The following VWC2 variants were observed in gnomAD, a reference collection of about 807,000 sequenced individuals.
The protein encoded by VWC2 is brorin.
VWC2 carries 14 observed loss-of-function variants against 29.8 expected under a neutral mutation model. The observed-to-expected ratio is 0.47, with a 90% CI of 0.31 to 0.74. VWC2 has a LOEUF of 0.74. Ranked by LOEUF, VWC2 falls within the 30% of genes least tolerant of loss-of-function variation. The probability of loss-of-function intolerance (pLI) is 0.05; values close to 1 mark genes in which losing one functional copy is unlikely to be tolerated. For synonymous variants in VWC2, 213 were observed against 199.0 expected (o/e 1.07, Z -0.59); for missense variants, 457 against 459.8 (o/e 0.99, Z 0.05).
chr7:49,777,908 A>G (rs1347074818), intron 2 of VWC2, among the ~76,000 whole-genome samples: 1 of 152,036 alleles, frequency 6.6e-6, no homozygotes, highest in Non-Finnish European at 1.5e-5. Context: ...TGGTAACATC[A>G]TCGGCTCTTC....
intron 2 of VWC2, among the ~76,000 whole-genome samples, chr7:49,797,596 G>T (rs1178152621): frequency 2.6e-5 from 4 of 152,132 alleles, no homozygotes; most frequent in Non-Finnish European, 5.9e-5. Context: ...CAGGTCAGAC[G>T]TGCACACCGT....
At chr7:49,886,842 CT>C (rs1273828421) in intron 3 of VWC2, among the ~76,000 whole-genome samples, 1 of 152,230 alleles carries the variant, frequency 6.6e-6, no homozygotes, top group African/African-American at 2.4e-5. Context: ...AATATTTAGC[CT>C]TTATTGCATA....
At chr7:49,877,477 AAAAAATAT>A (rs1353724697) in intron 3 of VWC2, among the ~76,000 whole-genome samples, 3 of 17,298 alleles carry the variant, frequency 1.7e-4, no homozygotes, top group Admixed American at 5.9e-4. Context: ...AAAAAAAAAA[AAAAAATAT>A]ATATATATAT....
chr7:49,920,749 A>G lies in VWC2; in HGVS notation c.*8564A>G, dbSNP rs1793982828. 1 of 152,170 alleles carries G rather than the reference A, an allele frequency of 6.6e-6. No homozygotes were observed. The highest frequency in any genetic ancestry group is 1.5e-5 in the Non-Finnish European group (1 of 68,032). The allele number at this position is 152,170 out of a possible 1,614,324, so 9.4% of individuals were successfully genotyped here. ...TTTGAATTGTTTAAAATAATTTTAA[A>G]TACTTATTCCATAAACTCAGTATTT... On this transcript the variant is annotated 3_prime_UTR_variant, in exon 4 of 4. Coordinates refer to ENST00000340652, the MANE Select transcript of VWC2 (RefSeq NM_198570.5).
intron 3 of VWC2, among the ~76,000 whole-genome samples, chr7:49,875,438 G>GA (rs142568255): frequency 0.033 from 4,159 of 127,666 alleles, 170 homozygotes; most frequent in South Asian, 0.12. Flanking sequence ...TTAAAAATAG[G>GA]AAAAAAAAAA....
chr7:49,781,418 G>C (rs1464491598), intron 2 of VWC2, among the ~76,000 whole-genome samples: 1 of 152,134 alleles, frequency 6.6e-6, no homozygotes, highest in African/African-American at 2.4e-5. Flanking sequence ...GGGCAGAAGG[G>C]AATCAATATT....
Position 49,852,268 on chromosome 7 carries a change from G to A in VWC2, c.826+49428G>A, listed in dbSNP as rs181834868. Among the ~76,000 whole-genome samples the A allele has an allele frequency of 2.4e-3, 366 of 152,312 alleles. 2 individuals are homozygous for A. The highest frequency in any genetic ancestry group is 6.8e-3 in the Middle Eastern group (2 of 294). ...CAGGTGAGTGACCCTGGAGCATCAG[G>A]GGGTCATGGTGGCTCTGTGGCTGTG... On this transcript the variant is annotated intron_variant, in intron 3 of 3. Coordinates refer to ENST00000340652, the MANE Select transcript of VWC2 (RefSeq NM_198570.5).
At chr7:49,793,590 C>T (rs1452964676) in intron 2 of VWC2, among the ~76,000 whole-genome samples, 2 of 151,758 alleles carry the variant, frequency 1.3e-5, no homozygotes, top group Admixed American at 6.6e-5. Flanking sequence ...ACTTTTTTTT[C>T]CTGTTTATGT....
intron 3 of VWC2, among the ~76,000 whole-genome samples, chr7:49,855,638 T>C (rs1677680113): frequency 6.6e-6 from 1 of 152,174 alleles, no homozygotes; most frequent in African/African-American, 2.4e-5. Flanking sequence ...TGCAGGAGAA[T>C]GTGGCAGTTC....
At chr7:49,859,921 A>G (rs1018643560) in intron 3 of VWC2, among the ~76,000 whole-genome samples, 1 of 151,952 alleles carries the variant, frequency 6.6e-6, no homozygotes, top group Non-Finnish European at 1.5e-5. Flanking sequence ...CTATCTAGAT[A>G]TAAATAAATA....
At chr7:49,904,736 ATTTTTTT>A (rs5884134) in intron 3 of VWC2, among the ~76,000 whole-genome samples, 1 of 139,010 alleles carries the variant, frequency 7.2e-6, no homozygotes, top group African/African-American at 2.7e-5. Context: ...GCATATATTA[ATTTTTTT>A]TTTTTTTTTT....
intron 3 of VWC2, among the ~76,000 whole-genome samples, chr7:49,896,406 C>T (rs1792383692): frequency 1.3e-5 from 2 of 152,126 alleles, no homozygotes; most frequent in South Asian, 2.1e-4. Context: ...AAAAGGAAAA[C>T]ATATGGAATG....
downstream of VWC2, chr7:49,922,039 G>A (rs1416873814): frequency 1.3e-5 from 2 of 152,108 alleles, no homozygotes; most frequent in Non-Finnish European, 2.9e-5. Flanking sequence ...TAAATAAAAT[G>A]TATATACGTC....
At chr7:49,872,915 C>CAAAAAAAAAAAAAAAAAAAAAAAAAA (rs61473396) in intron 3 of VWC2, among the ~76,000 whole-genome samples, 1 of 33,960 alleles carries the variant, frequency 2.9e-5, no homozygotes, top group Admixed American at 4.8e-4. Flanking sequence ...GACTTTGTCT[C>CAAAAAAAAAAAAAAAAAAAAAAAAAA]AAAAAAAAAA....
chr7:49,847,439 C>A (rs1267579734), intron 3 of VWC2, among the ~76,000 whole-genome samples: 1 of 152,028 alleles, frequency 6.6e-6, no homozygotes, highest in Non-Finnish European at 1.5e-5. Flanking sequence ...TTGCAGGGAT[C>A]CCTGACCATT....
chr7:49,796,117 A>G (rs1788585263), intron 2 of VWC2, among the ~76,000 whole-genome samples: 1 of 152,224 alleles, frequency 6.6e-6, no homozygotes, highest in African/African-American at 2.4e-5. Flanking sequence ...GAAAATATCA[A>G]TGCAATATCT....
chr7:49,810,850 C>T (rs764734979), intron 3 of VWC2, among the ~76,000 whole-genome samples: 3 of 151,952 alleles, frequency 2.0e-5, no homozygotes, highest in East Asian at 1.9e-4. Flanking sequence ...TACTTTACAC[C>T]GTATACACAT....
Position 49,775,586 on chromosome 7 carries a change from G to A in VWC2, c.151G>A (p.Ala51Thr). 1 of 1,538,266 alleles carries A rather than the reference G, an allele frequency of 6.5e-7. No individual in the cohort carries two copies. Reference protein sequence around the residue: ...EQPGQEKREHASRDGPGRVNE... With the variant: ...EQPGQEKREHTSRDGPGRVNE... ...GCCGGGCCAGGAGAAGCGTGAGCAC[G>A]CCTCTCGGGACGGCCCGGGGCGGGT... The change falls in exon 2 of 4, where the codon GCC becomes ACC. Residue 51 changes from alanine (A) to threonine (T), a missense_variant. By Grantham distance (58) the Ala-to-Thr change is moderately conservative. Around this residue, in one of 2 missense-constraint regions of VWC2, gnomAD observed 272 missense variants for 202.7 expected, o/e 1.34. Coordinates refer to ENST00000340652, the MANE Select transcript of VWC2 (RefSeq NM_198570.5).
intron 3 of VWC2, among the ~76,000 whole-genome samples, chr7:49,827,956 G>A (rs1789441279): frequency 6.6e-6 from 1 of 152,120 alleles, no homozygotes; most frequent in African/African-American, 2.4e-5. Context: ...ATTCAATTAA[G>A]TATTGATAGT....
Sources: gnomAD v4.1 joint callset for allele counts (sites outside exome capture counted in the v4.1 genomes callset) on GRCh38, gnomAD v4.1.1 for gene constraint, gnomAD v4.1.1 regional missense constraint, MANE v1.5 for transcripts, NCBI Gene and HGNC (gene_info 2026-07-23, HGNC 2026-07-21) for gene names.